CLEC16A: variants seen among roughly 807,000 people sequenced by gnomAD.
CLEC16A encodes C-type lectin domain containing 16A.
CLEC16A carries 51 observed loss-of-function variants against 109.5 expected under a neutral mutation model. The observed-to-expected ratio is 0.47, with a 90% CI of 0.37 to 0.59. The LOEUF is 0.59. Among genes scored for constraint, CLEC16A ranks in the 20% least tolerant of loss-of-function variants. The pLI is 0.00. For missense variants in CLEC16A, 1,339 were observed against 1,394.0 expected, an observed-to-expected ratio of 0.96 and a Z score of 0.63; for synonymous variants, 673 against 564.2, an observed-to-expected ratio of 1.19 and a Z score of -2.73.
intron 19 of CLEC16A, among the ~76,000 whole-genome samples, chr16:11,102,643 A>C (rs1396621146): frequency 6.6e-6 from 1 of 152,220 alleles, no homozygotes; most frequent in African/African-American, 2.4e-5. Flanking sequence ...GTCCACCTGG[A>C]AAGGTCGGTT....
rs1446637593 is a variant in CLEC16A at position 11,178,619 on chromosome 16, G to T, written c.3091G>T (p.Ala1031Ser). 1 of 1,599,502 alleles carries T rather than the reference G, an allele frequency of 6.3e-7. No homozygotes were observed. Among genetic ancestry groups the T allele is most frequent in the Non-Finnish European group, 8.5e-7 (1 of 1,176,654 alleles). The change falls in exon 24 of 24, where the codon GCT becomes TCT. Residue 1031 changes from alanine to serine, a missense_variant. Physicochemically the swap from Ala to Ser is moderately conservative, Grantham distance 99. Coordinates refer to ENST00000409790, the MANE Select transcript of CLEC16A (RefSeq NM_015226.3). This position sits in a 1 kb window ranked among gnomAD's most constrained non-coding sequence, Gnocchi z 6.5. ...CGGCATGCCCCCGCTGTCCACGCCG[G>T]CTGCCGCCTGCACAGAGCCCGTGGG... ...LTGMPPLSTP[A>S]AACTEPVGEE...
intron 19 of CLEC16A, among the ~76,000 whole-genome samples, chr16:11,069,675 T>G (rs778260652): frequency 6.6e-6 from 1 of 151,784 alleles, no homozygotes; most frequent in African/African-American, 2.4e-5. Context: ...TTCCTGAGCT[T>G]AAGCGATCCT....
chr16:11,020,449 C>A, intron 12 of CLEC16A, 124 bp downstream of exon 12: 3 of 1,238,034 alleles, frequency 2.4e-6, no homozygotes, highest in South Asian at 1.7e-5. Context: ...GCCTCCCTTT[C>A]TTTCCCTGCT....
intron 1 of CLEC16A, 125 bp from the exon 2 acceptor site, chr16:10,957,657 A>G (rs2042053159): frequency 1.1e-6 from 1 of 928,862 alleles, no homozygotes; most frequent in East Asian, 2.5e-5. Flanking sequence ...TCTGAATGGG[A>G]AATTGCATTA....
chr16:11,161,199 T>C (rs1597603354), intron 22 of CLEC16A, among the ~76,000 whole-genome samples: 2 of 152,212 alleles, frequency 1.3e-5, no homozygotes, highest in Non-Finnish European at 2.9e-5. Context: ...ACTAAATACC[T>C]AAACATCTTT....
At chr16:11,027,356 C>T (rs2046469016) in intron 13 of CLEC16A, 22 of 1,413,188 alleles carry the variant, frequency 1.6e-5, no homozygotes, top group South Asian at 5.7e-5. Flanking sequence ...CAAGACTTTG[C>T]CTAAAGAAAA....
In CLEC16A at chr16:10,944,783, C is replaced by G. The variant is rs747554310; in HGVS notation, c.66C>G (p.Ser22=). 1.9e-6 allele frequency: 3 copies of G among 1,608,956 alleles called. No individual in the cohort carries two copies. The highest frequency in any genetic ancestry group is 2.5e-6 in the Non-Finnish European group (3 of 1,178,312). The part of the protein sequence containing the change: ...GHGKTSRNIH[S]LDHLKYLYHV... ...GCAAGACTTCCCGCAACATCCACTC[C>G]TTGGACCACCTCAAGTGAGTGTGGG... The change falls in exon 1 of 24, where the codon TCC becomes TCG. Residue 22 remains serine, a synonymous_variant. Coordinates refer to ENST00000409790, the MANE Select transcript of CLEC16A (RefSeq NM_015226.3).
At chr16:11,077,745 A>G (rs12925642) in intron 19 of CLEC16A, among the ~76,000 whole-genome samples, 59,861 of 152,094 alleles carry the variant, frequency 0.39, 12,762 homozygotes, top group African/African-American at 0.57. Context: ...GACCAGCACA[A>G]TGCGTGGTGC....
chr16:11,161,971 A>AGAG (rs1161578099), intron 22 of CLEC16A, among the ~76,000 whole-genome samples: 3 of 152,212 alleles, frequency 2.0e-5, no homozygotes, highest in African/African-American at 7.2e-5. Flanking sequence ...GACCTGTAGA[A>AGAG]GAGGAGGAGG....
chr16:11,154,699 C>T (rs1010265643), intron 22 of CLEC16A, among the ~76,000 whole-genome samples: 2 of 151,478 alleles, frequency 1.3e-5, no homozygotes, highest in Admixed American at 6.6e-5. Context: ...CTGAGGTGGG[C>T]GGATCACCTG....
intron 22 of CLEC16A, among the ~76,000 whole-genome samples, chr16:11,136,870 C>A (rs2053591253): frequency 6.6e-6 from 1 of 152,230 alleles, no homozygotes; most frequent in African/African-American, 2.4e-5. Context: ...TCCCCCGGAG[C>A]CTCACAACAG....
chr16:10,950,617 C>A (rs1336257040), intron 1 of CLEC16A, among the ~76,000 whole-genome samples: 1 of 152,182 alleles, frequency 6.6e-6, no homozygotes, highest in African/African-American at 2.4e-5. Context: ...CTGATTCCAC[C>A]CTCCGTGAAG....
intron 10 of CLEC16A, among the ~76,000 whole-genome samples, chr16:10,996,638 T>A (rs549222147): frequency 6.6e-6 from 1 of 152,292 alleles, no homozygotes; most frequent in South Asian, 2.1e-4. Flanking sequence ...TCCCTTCCTC[T>A]GCGGCCCCAT....
At chr16:11,067,420 G>C (rs575904083) in intron 19 of CLEC16A, among the ~76,000 whole-genome samples, 1 of 152,030 alleles carries the variant, frequency 6.6e-6, no homozygotes, top group Non-Finnish European at 1.5e-5. Context: ...GCTGCAGGGG[G>C]GGTGTGGGTG....
chr16:11,063,711 GC>G (rs1487535990), intron 19 of CLEC16A, among the ~76,000 whole-genome samples: 6 of 152,158 alleles, frequency 3.9e-5, no homozygotes, highest in African/African-American at 1.4e-4. Context: ...GGGTGTGACA[GC>G]CGAGCTCCGG....
At chr16:10,972,904 C>A in intron 6 of CLEC16A, 34 bp from the exon 7 acceptor site, 1 of 1,531,334 alleles carries the variant, frequency 6.5e-7, no homozygotes, top group Non-Finnish European at 8.8e-7. Flanking sequence ...TTTTTGGTAG[C>A]TTGACTTTTT....
At chr16:11,070,027 T>A (rs2048978018) in intron 19 of CLEC16A, among the ~76,000 whole-genome samples, 1 of 151,978 alleles carries the variant, frequency 6.6e-6, no homozygotes, top group Non-Finnish European at 1.5e-5. Context: ...TGTCAGGATG[T>A]TACCTTCTCT....
At chr16:11,145,035 G>C (rs565083036) in intron 22 of CLEC16A, among the ~76,000 whole-genome samples, 125 of 152,290 alleles carry the variant, frequency 8.2e-4, no homozygotes, top group African/African-American at 2.7e-3. Flanking sequence ...CATCCCGGCA[G>C]GGGGAATGAG....
At chr16:10,992,146 G>T (rs370486370) in intron 10 of CLEC16A, among the ~76,000 whole-genome samples, 2 of 152,230 alleles carry the variant, frequency 1.3e-5, no homozygotes, top group Admixed American at 6.5e-5. Flanking sequence ...CATGGGCAAA[G>T]AGAAGAAAAA....
Sources: gnomAD v4.1 joint callset for allele counts (sites outside exome capture counted in the v4.1 genomes callset) on GRCh38, gnomAD v4.1.1 for gene constraint, Gnocchi (gnomAD v3.1) non-coding constraint, MANE v1.5 for transcripts, NCBI Gene and HGNC (gene_info 2026-07-23, HGNC 2026-07-21) for gene names.